DCAF4: variants seen among roughly 807,000 people sequenced by gnomAD.
DCAF4 encodes DDB1- and CUL4-associated factor 4.
In DCAF4, 37 loss-of-function variants were observed where a neutral mutation model predicts 60.9. The ratio of observed to expected loss-of-function variants is 0.61; its 90% confidence interval spans 0.47 to 0.80. The LOEUF (loss-of-function observed/expected upper bound fraction) is 0.80, where lower values mean the gene tolerates loss of function less well. DCAF4 is among the 30% of genes least tolerant of loss of function. The pLI, the probability that DCAF4 is intolerant of heterozygous loss-of-function variation, is 0.00. For missense variants in DCAF4, 577 were observed against 650.0 expected (o/e 0.89, Z 1.22); for synonymous variants, 243 against 254.8 (o/e 0.95, Z 0.44).
intron 1 of DCAF4, chr14:72,929,956 G>A (rs79442944): frequency 0.039 from 32,258 of 823,738 alleles, 725 homozygotes; most frequent in Middle Eastern, 0.065. Context: ...TGGCGGCCGT[G>A]GCGGAAGGCC....
At chr14:72,947,313 C>T (rs777411102) in intron 8 of DCAF4, 122 bp downstream of exon 8, 31 of 1,135,576 alleles carry the variant, frequency 2.7e-5, no homozygotes, top group Non-Finnish European at 4.1e-5. Context: ...TGTGCACTTA[C>T]ATCTCACGCT....
chr14:72,959,275 G>T lies in DCAF4; in HGVS notation c.*470G>T. 1.0e-6 allele frequency: 1 copy of T among 986,200 alleles called. No individual in the cohort carries two copies. Among genetic ancestry groups the T allele is most frequent in the Non-Finnish European group, 1.2e-6 (1 of 830,518 alleles). 61.1% of individuals were successfully genotyped at this position (986,200 alleles called of 1,614,324 possible). On this transcript the variant is annotated 3_prime_UTR_variant, in exon 14 of 14. Coordinates refer to ENST00000358377, the MANE Select transcript of DCAF4 (RefSeq NM_015604.4). ...GGAAGCCAGCGGAGAGGACGGGGAG[G>T]TTACTTCTCTAAGTTTCTGCAGAAA...
rs756367598 is a variant in DCAF4, at chr14:72,958,830, A to C, written c.*25A>C. The C allele has an allele frequency of 1.3e-6, 2 of 1,521,034 alleles. No individual in the cohort carries two copies. The highest frequency in any genetic ancestry group is 2.8e-5 in the African/African-American group (2 of 71,672). The allele number at this position is 1,521,034 out of a possible 1,614,324, so 94.2% of individuals were successfully genotyped here. On this transcript the variant is annotated 3_prime_UTR_variant, in exon 14 of 14. Transcript: ENST00000358377. Reference sequence around the variant, plus strand: ...ATTCTGCAGGGCACAGCCCAGAGCCATGTGGATTTGACTTACGGGAGTAAA... The same window carrying C: ...ATTCTGCAGGGCACAGCCCAGAGCCCTGTGGATTTGACTTACGGGAGTAAA...
chr14:72,954,336 C>G lies in DCAF4; in HGVS notation c.908-50C>G, dbSNP rs752703997. The G allele has an allele frequency of 1.6e-5, 26 of 1,612,296 alleles. No individual in the cohort carries two copies. The East Asian group carries it at 5.1e-4, about 32-fold the overall frequency. ...AAAACCCCATGTAGTTGTCCCTCTC[C>G]CCAGACTACATGTGACATAATCTTA... is the stretch of plus-strand genomic sequence containing the variant. On this transcript the variant is annotated intron_variant, in intron 10 of 13. Transcript: ENST00000358377.
At chr14:72,928,601 A>G (rs1257107819) in intron 1 of DCAF4, among the ~76,000 whole-genome samples, 1 of 148,524 alleles carries the variant, frequency 6.7e-6, no homozygotes, top group Non-Finnish European at 1.5e-5. Context: ...ATATATATAT[A>G]TATATATATA....
intron 9 of DCAF4, among the ~76,000 whole-genome samples, chr14:72,953,769 T>TA (rs1891857559): frequency 7.1e-5 from 3 of 42,244 alleles, no homozygotes; most frequent in African/African-American, 2.5e-4. Context: ...ATATAGTTTA[T>TA]TTATTTATTT....
intron 4 of DCAF4, among the ~76,000 whole-genome samples, chr14:72,941,523 G>A (rs545876168): frequency 3.3e-4 from 50 of 152,236 alleles, no homozygotes; most frequent in Non-Finnish European, 6.9e-4. Context: ...CGTGGGCAGA[G>A]TTGACGAGCA....
At chr14:72,930,647 A>ATT (rs1444625876) in intron 1 of DCAF4, among the ~76,000 whole-genome samples, 1 of 151,814 alleles carries the variant, frequency 6.6e-6, no homozygotes, top group Non-Finnish European at 1.5e-5. Flanking sequence ...GTGTGTATAT[A>ATT]TATATATGTA....
At chr14:72,944,960 G>A (rs930427378) in intron 6 of DCAF4, among the ~76,000 whole-genome samples, 8 of 151,986 alleles carry the variant, frequency 5.3e-5, no homozygotes, top group African/African-American at 1.7e-4. Context: ...GTGGTGGTGC[G>A]CACCTGTAGT....
At chr14:72,962,012 CTT>C, downstream of DCAF4, 1 of 1,091,196 alleles carries the variant, frequency 9.2e-7, no homozygotes. Flanking sequence ...CATCTCTTCC[CTT>C]CATAGCCCTC....
chr14:72,959,067 G>T lies in DCAF4; in HGVS notation c.*262G>T, dbSNP rs931662101. On this transcript the variant is annotated 3_prime_UTR_variant, in exon 14 of 14. Coordinates refer to ENST00000358377, the MANE Select transcript of DCAF4 (RefSeq NM_015604.4). ...TTTCTTATTGAATTCTTAGAACTTA[G>T]TTAACCCTCCCTGCCTTTTCTTAAC... 2.0e-5 allele frequency: 23 copies of T among 1,169,840 alleles called. No individual in the cohort carries two copies. The highest frequency in any genetic ancestry group is 2.4e-5 in the Non-Finnish European group (23 of 947,882). The allele number at this position is 1,169,840 out of a possible 1,614,324, so 72.5% of individuals were successfully genotyped here. A position where few individuals can be genotyped will look rare whatever the true frequency, so the allele number is the denominator to read the frequency against.
At chr14:72,929,926 G>A in intron 1 of DCAF4, 1 of 1,121,750 alleles carries the variant, frequency 8.9e-7, no homozygotes, top group Admixed American at 2.0e-5. Flanking sequence ...GTAGCGCAGA[G>A]CCATGGCTGC....
chr14:72,937,082 G>A (rs1054020451), intron 1 of DCAF4, among the ~76,000 whole-genome samples: 1 of 152,330 alleles, frequency 6.6e-6, no homozygotes, highest in Non-Finnish European at 1.5e-5. Context: ...ATCGGGAGAT[G>A]AAGACATTGA....
intron 12 of DCAF4, among the ~76,000 whole-genome samples, chr14:72,955,966 G>A (rs958636668): frequency 1.5e-5 from 2 of 137,758 alleles, no homozygotes; most frequent in Non-Finnish European, 3.1e-5. Context: ...TCTGTCGCCC[G>A]GGCTGGAGTG....
intron 5 of DCAF4, 95 bp downstream of exon 5, chr14:72,941,919 T>G: frequency 3.0e-6 from 4 of 1,345,832 alleles, no homozygotes; most frequent in South Asian, 1.3e-5. Context: ...ATAGACCATG[T>G]GGCTACCCCG....
At chr14:72,956,755 G>C in intron 13 of DCAF4, 1 of 418,148 alleles carries the variant, frequency 2.4e-6, no homozygotes, top group Non-Finnish European at 4.5e-6. Flanking sequence ...AAACAGGCAG[G>C]TGGGGAGGTC....
chr14:72,956,803 C>G, intron 13 of DCAF4: 1 of 363,110 alleles, frequency 2.8e-6, no homozygotes, highest in Non-Finnish European at 5.2e-6. Context: ...TGGATTTCAT[C>G]AGGCCAGCAT....
chr14:72,961,266 A>G (rs193250448), downstream of DCAF4, among the ~76,000 whole-genome samples: 22 of 152,334 alleles, frequency 1.4e-4, no homozygotes, highest in East Asian at 4.2e-3. Flanking sequence ...AGAAGGGCTG[A>G]GCTGGGATTA....
Position 72,938,002 on chromosome 14 carries a change from T to C in DCAF4, c.24T>C (p.Ser8=), listed in dbSNP as rs1210242106. Residue 8 remains serine, a synonymous_variant, in exon 2 of 14, where the codon AGT becomes AGC. Coordinates refer to ENST00000358377, the MANE Select transcript of DCAF4 (RefSeq NM_015604.4). The stretch of plus-strand genomic sequence containing the variant: ...AAATGAATAAAAGTCGCTGGCAGAG[T>C]AGAAGACGACATGGGAGAAGAAGCC... MNKSRWQ[S]RRRHGRRSHQ... The C allele has an allele frequency of 6.2e-7, 1 of 1,608,222 alleles. No homozygotes were observed. Among genetic ancestry groups the C allele is most frequent in the Non-Finnish European group, 8.5e-7 (1 of 1,178,430 alleles).
Sources: allele counts gnomAD v4.1 joint callset (sites outside exome capture counted in the v4.1 genomes callset), GRCh38; gene constraint gnomAD v4.1.1; transcripts MANE v1.5; gene names NCBI Gene and HGNC (gene_info 2026-07-23, HGNC 2026-07-21).